Variants in EHD1 observed in about 807,000 individuals in gnomAD.
The protein encoded by EHD1 is EH domain containing 1.
A neutral mutation model predicts 39.0 loss-of-function variants in EHD1; 19 were observed. The observed-to-expected ratio is 0.49, with a 90% CI of 0.34 to 0.72. The LOEUF (loss-of-function observed/expected upper bound fraction) is 0.72, where lower values mean the gene tolerates loss of function less well. EHD1 is among the 30% of genes least tolerant of loss of function. EHD1 has a pLI of 0.01. For missense variants in EHD1, 542 were observed against 751.5 expected (o/e 0.72, Z 3.26); for synonymous variants, 323 against 331.2 (o/e 0.98, Z 0.27).
Position 64,878,087 on chromosome 11 carries a change from G to A in EHD1, c.378C>T (p.Asn126=). The A allele has an allele frequency of 6.5e-7, 1 of 1,532,968 alleles. No individual in the cohort carries two copies. Among genetic ancestry groups the A allele is most frequent in the Non-Finnish European group, 8.8e-7 (1 of 1,141,654 alleles). The allele number at this position is 1,532,968 out of a possible 1,614,324, so 95.0% of individuals were successfully genotyped here. Residue 126 remains asparagine (N), a synonymous_variant, in exon 1 of 5, where the codon AAC becomes AAT. Coordinates refer to ENST00000320631, the MANE Select transcript of EHD1 (RefSeq NM_006795.4). Reference sequence around the variant, plus strand: ...TGTTGAGGAAAGCGTTGCCAAACGCGTTGAGCTTGCGGAAGGGGCGCCGCG... The same window carrying A: ...TGTTGAGGAAAGCGTTGCCAAACGCATTGAGCTTGCGGAAGGGGCGCCGCG... ...VDPRRPFRKL[N]AFGNAFLNRF...
At chr11:64,857,763 AG>A (rs2136477589) in intron 3 of EHD1, among the ~76,000 whole-genome samples, 1 of 152,320 alleles carries the variant, frequency 6.6e-6, no homozygotes, top group East Asian at 1.9e-4. Context: ...TGGGCTCCCC[AG>A]GAAGTGCCCA....
rs1366680313 is a variant in EHD1, at chr11:64,854,117, G to GC, written c.*215dup. ...GCCTCTAACGTTATATATTAAAATAGCCACAGTTCTTGTGCACACAATTCC... is the reference window on the plus strand; with the variant it reads ...GCCTCTAACGTTATATATTAAAATAGCCCACAGTTCTTGTGCACACAATTCC... On this transcript the variant is annotated 3_prime_UTR_variant, in exon 5 of 5. Coordinates refer to ENST00000320631, the MANE Select transcript of EHD1 (RefSeq NM_006795.4). The GC allele has an allele frequency of 3.8e-6, 3 of 793,102 alleles. No homozygotes were observed. Among genetic ancestry groups the GC allele is most frequent in the Non-Finnish European group, 5.8e-6 (3 of 515,966 alleles). 49.1% of individuals were successfully genotyped at this position (793,102 alleles called of 1,614,324 possible). A position where few individuals can be genotyped will look rare whatever the true frequency, so the allele number is the denominator to read the frequency against.
intron 1 of EHD1, among the ~76,000 whole-genome samples, chr11:64,875,068 C>T (rs372617130): frequency 3.3e-5 from 5 of 152,208 alleles, no homozygotes; most frequent in African/African-American, 1.2e-4. Context: ...AGCACAGACG[C>T]GCCATTCTCT....
At chr11:64,862,475 G>A (rs1195305676) in intron 2 of EHD1, among the ~76,000 whole-genome samples, 1 of 152,236 alleles carries the variant, frequency 6.6e-6, no homozygotes, top group Non-Finnish European at 1.5e-5. Context: ...ATGCTGATGT[G>A]ATGGGAGGAG....
intron 2 of EHD1, 82 bp downstream of exon 2, chr11:64,874,339 A>G: frequency 1.0e-6 from 1 of 985,634 alleles, no homozygotes; most frequent in Non-Finnish European, 1.5e-6. Context: ...TCTCAAGGGC[A>G]GCATCTGAAC....
In EHD1 at chr11:64,854,757, A is replaced by G; in HGVS notation, c.1181T>C (p.Met394Thr). ...GGACTCCTCCTGCCGCACCATCACC[A>G]TCAGCCGCGCGATGTCGTTGGCCAG... ...DMLANDIARL[M>T]VMVRQEESLM... The change falls in exon 5 of 5, where the codon ATG becomes ACG. Residue 394 changes from methionine to threonine, a missense_variant. Physicochemically the swap from Met to Thr is moderately conservative, Grantham distance 81. Transcript: ENST00000320631. 1 of 1,610,572 alleles carries G rather than the reference A, an allele frequency of 6.2e-7. No individual in the cohort carries two copies. Among genetic ancestry groups the G allele is most frequent in the South Asian group, 1.1e-5 (1 of 91,064 alleles).
At chr11:64,857,490 G>C (rs573467131) in intron 3 of EHD1, among the ~76,000 whole-genome samples, 5 of 152,290 alleles carry the variant, frequency 3.3e-5, no homozygotes, top group African/African-American at 1.2e-4. Flanking sequence ...CTGTCCTCCA[G>C]AGCCGGCATC....
intron 2 of EHD1, among the ~76,000 whole-genome samples, chr11:64,867,396 G>A (rs1943779325): frequency 6.6e-6 from 1 of 150,972 alleles, no homozygotes; most frequent in African/African-American, 2.4e-5. Context: ...TTCGGCCTGG[G>A]CAACAGAGCA....
chr11:64,874,398 G>A (rs1193709769), intron 2 of EHD1, 23 bp downstream of exon 2: 5 of 1,563,630 alleles, frequency 3.2e-6, no homozygotes, highest in Admixed American at 3.8e-5. Context: ...CCAGCAGCCC[G>A]AGCTGTGGTC....
Position 64,855,397 on chromosome 11 carries a change from G to T in EHD1, c.1005C>A (p.Leu335=), listed in dbSNP as rs10897533. The T allele has an allele frequency of 1.2e-6, 2 of 1,613,890 alleles. No homozygotes were observed. Among genetic ancestry groups the T allele is most frequent in the African/African-American group, 2.7e-5 (2 of 74,840 alleles). The part of the protein sequence containing the change: ...ESKKKELVNN[L]GEIYQKIERE... Reference sequence around the variant, plus strand: ...GCTCAATCTTCTGGTAGATCTCTCCGAGGTTGTTCACCAGCTCTTTCTTTT... The same window carrying T: ...GCTCAATCTTCTGGTAGATCTCTCCTAGGTTGTTCACCAGCTCTTTCTTTT... The change falls in exon 4 of 5, where the codon CTC becomes CTA. Residue 335 remains leucine (L), a synonymous_variant. Coordinates refer to ENST00000320631, the MANE Select transcript of EHD1 (RefSeq NM_006795.4).
At chr11:64,855,874 TCACACACC>T in intron 3 of EHD1, 1 of 203,948 alleles carries the variant, frequency 4.9e-6, no homozygotes, top group Non-Finnish European at 9.8e-6. Context: ...TCACCACGCA[TCACACACC>T]CTCCGCTCAA....
Position 64,854,075 on chromosome 11 carries a change from C to T in EHD1, c.*258G>A, listed in dbSNP as rs1178731359. On this transcript the variant is annotated 3_prime_UTR_variant, in exon 5 of 5. Coordinates refer to ENST00000320631, the MANE Select transcript of EHD1 (RefSeq NM_006795.4). ...ACACAGGGCTGGCACACAGGGGAGGCGGCGACAAAGAACGCAGCCTCTAAC... is the reference window on the plus strand; with the variant it reads ...ACACAGGGCTGGCACACAGGGGAGGTGGCGACAAAGAACGCAGCCTCTAAC... The T allele has an allele frequency of 1.5e-5, 9 of 610,830 alleles. No individual in the cohort carries two copies. Among genetic ancestry groups the T allele is most frequent in the East Asian group, 3.2e-5 (1 of 31,718 alleles). 37.8% of individuals were successfully genotyped at this position (610,830 alleles called of 1,614,324 possible). A position where few individuals can be genotyped will look rare whatever the true frequency, so the allele number is the denominator to read the frequency against.
At chr11:64,878,936 C>A (rs945220475), upstream of EHD1, 22 of 1,013,466 alleles carry the variant, frequency 2.2e-5, no homozygotes, top group Non-Finnish European at 2.6e-5. Context: ...CGCGCGCCTT[C>A]CGGCACCGTG....
At position 64,878,418 on chromosome 11, in the gene EHD1, T is replaced by G. The variant is rs1565726965; in HGVS notation, c.47A>C (p.Glu16Ala). 1.4e-5 allele frequency: 23 copies of G among 1,613,366 alleles called. No homozygotes were observed. The highest frequency in any genetic ancestry group is 1.9e-5 in the Non-Finnish European group (22 of 1,179,774). ...CCCCTCAGCCACCGTCTGGAAGAGCTCCGGCTCCTTCTTGCGGCGGGCATC... is the reference window on the plus strand; with the variant it reads ...CCCCTCAGCCACCGTCTGGAAGAGCGCCGGCTCCTTCTTGCGGCGGGCATC... ...SKDARRKKEP[E>A]LFQTVAEGLR... Residue 16 changes from glutamate to alanine, a missense_variant, in exon 1 of 5, where the codon GAG becomes GCG. Coordinates refer to ENST00000320631, the MANE Select transcript of EHD1 (RefSeq NM_006795.4).
In EHD1 at chr11:64,854,579, G is replaced by A. The variant is rs781734567; in HGVS notation, c.1359C>T (p.Tyr453=). ...KDKPTYDEIF[Y]TLSPVNGKIT... is the part of the protein sequence containing the mutation. ...TCTTGCCGTTGACAGGGGACAGCGT[G>A]TAGAAGATCTCGTCGTAGGTGGGCT... The change falls in exon 5 of 5, where the codon TAC becomes TAT. Residue 453 remains tyrosine (Y), a synonymous_variant. Transcript: ENST00000320631. 6.2e-7 allele frequency: 1 copy of A among 1,614,164 alleles called. No individual in the cohort carries two copies. Among genetic ancestry groups the A allele is most frequent in the Admixed American group, 1.7e-5 (1 of 60,032 alleles).
upstream of EHD1, chr11:64,878,631 C>T (rs1943917819): frequency 2.1e-6 from 3 of 1,408,722 alleles, no homozygotes; most frequent in Admixed American, 3.2e-5. Flanking sequence ...TGCTGCGCAC[C>T]CCTCGCGGAG....
At chr11:64,859,672 T>C (rs1190567174) in intron 3 of EHD1, 2 of 518,652 alleles carry the variant, frequency 3.9e-6, no homozygotes, top group East Asian at 3.2e-5. Flanking sequence ...AAACCCTTCC[T>C]GAAAGTAGAT....
chr11:64,865,375 G>A (rs1247775174), intron 2 of EHD1, among the ~76,000 whole-genome samples: 2 of 152,354 alleles, frequency 1.3e-5, no homozygotes, highest in East Asian at 1.9e-4. Context: ...CTGGACGGCC[G>A]GTATCAAGTA....
At chr11:64,864,009 A>T (rs1347932442) in intron 2 of EHD1, among the ~76,000 whole-genome samples, 1 of 152,238 alleles carries the variant, frequency 6.6e-6, no homozygotes, top group African/African-American at 2.4e-5. Flanking sequence ...TCACCGGTCA[A>T]GGACTTTCAT....
Sources: gnomAD v4.1 joint callset for allele counts (sites outside exome capture counted in the v4.1 genomes callset) on GRCh38, gnomAD v4.1.1 for gene constraint, MANE v1.5 for transcripts, NCBI Gene and HGNC (gene_info 2026-07-23, HGNC 2026-07-21) for gene names.